Variants in UNC13C observed in about 807,000 individuals in gnomAD.
UNC13C encodes the protein unc-13 homolog C, also known as protein unc-13 homolog C.
In UNC13C, 174 loss-of-function variants were observed where a neutral mutation model predicts 245.4. The ratio of observed to expected loss-of-function variants is 0.71; its 90% CI spans 0.63 to 0.80. UNC13C has a LOEUF of 0.80. Ranked by LOEUF, UNC13C falls within the 30% of genes least tolerant of loss-of-function variation. The pLI, the probability that UNC13C is intolerant of heterozygous loss-of-function variation, is 0.00. For synonymous variants in UNC13C, 992 were observed against 895.1 expected, an observed-to-expected ratio of 1.11 and a Z score of -1.93; for missense variants, 2,829 against 2,602.9, an observed-to-expected ratio of 1.09 and a Z score of -1.89.
At chr15:54,607,211 AAGAGT>A (rs1899815635) in intron 30 of UNC13C, among the ~76,000 whole-genome samples, 1 of 152,202 alleles carries the variant, frequency 6.6e-6, no homozygotes, top group African/African-American at 2.4e-5. Context: ...CAAATAGTTG[AAGAGT>A]AGAATGAATT....
chr15:54,138,421 A>C (rs955950820), intron 2 of UNC13C, among the ~76,000 whole-genome samples: 3 of 129,788 alleles, frequency 2.3e-5, no homozygotes, highest in Non-Finnish European at 5.1e-5. Context: ...GTCTATTTCT[A>C]TATATAACTG....
intron 2 of UNC13C, among the ~76,000 whole-genome samples, chr15:54,113,571 A>C (rs1014389466): frequency 2.6e-5 from 4 of 152,188 alleles, no homozygotes; most frequent in Admixed American, 2.6e-4. Flanking sequence ...AAGATGCTGT[A>C]ATCCCAGCAC....
intron 19 of UNC13C, among the ~76,000 whole-genome samples, chr15:54,427,396 G>T (rs936100235): frequency 2.0e-5 from 3 of 151,758 alleles, no homozygotes; most frequent in African/African-American, 7.2e-5. Context: ...TTCCCACCAT[G>T]ATTCTGAGGC....
At chr15:54,203,539 TAC>T (rs1411760389) in intron 4 of UNC13C, among the ~76,000 whole-genome samples, 4 of 145,716 alleles carry the variant, frequency 2.7e-5, no homozygotes, top group Non-Finnish European at 6.0e-5. Flanking sequence ...TATATATATA[TAC>T]ACCTATATAT....
At chr15:54,184,589 A>T (rs905628602) in intron 4 of UNC13C, among the ~76,000 whole-genome samples, 5 of 152,176 alleles carry the variant, frequency 3.3e-5, no homozygotes, top group Non-Finnish European at 7.3e-5. Flanking sequence ...CCTACAAAGG[A>T]CATGAACTCA....
At chr15:54,372,961 A>C (rs1213548955) in intron 17 of UNC13C, among the ~76,000 whole-genome samples, 2 of 152,322 alleles carry the variant, frequency 1.3e-5, no homozygotes, top group South Asian at 2.1e-4. Context: ...GCAGAGCTCT[A>C]GAGAGACATA....
intron 4 of UNC13C, among the ~76,000 whole-genome samples, chr15:54,220,674 ATGT>A (rs1273746822): frequency 6.6e-6 from 1 of 152,040 alleles, no homozygotes; most frequent in African/African-American, 2.4e-5. Flanking sequence ...AGCCAAGCAA[ATGT>A]TGTGAGTTTC....
chr15:53,893,482 C>G, the UNC13C span, among the ~76,000 whole-genome samples: 4 of 152,196 alleles, frequency 2.6e-5, no homozygotes, highest in African/African-American at 4.8e-5. Flanking sequence ...GTGCTCTGTT[C>G]CAGGGAGATG....
chr15:54,117,787 C>CTGG (rs2030374940), intron 2 of UNC13C, among the ~76,000 whole-genome samples: 3 of 152,004 alleles, frequency 2.0e-5, no homozygotes, highest in African/African-American at 7.2e-5. Flanking sequence ...TGCCATGTTG[C>CTGG]CCAGGCTGGT....
intron 4 of UNC13C, among the ~76,000 whole-genome samples, chr15:54,220,246 C>A (rs984434024): frequency 1.3e-4 from 19 of 150,248 alleles, no homozygotes; most frequent in Admixed American, 5.3e-4. Flanking sequence ...CACATATACA[C>A]CATGGAATAC....
intron 13 of UNC13C, among the ~76,000 whole-genome samples, chr15:54,309,525 A>G (rs904899391): frequency 3.3e-5 from 5 of 151,702 alleles, no homozygotes; most frequent in African/African-American, 1.2e-4. Context: ...CCCATTGTCT[A>G]TTTTTGCTTT....
intron 6 of UNC13C, among the ~76,000 whole-genome samples, chr15:54,237,203 A>G (rs945239581): frequency 6.6e-6 from 1 of 152,178 alleles, no homozygotes; most frequent in African/African-American, 2.4e-5. Flanking sequence ...ATCTAATACT[A>G]ATTATGATTC....
At position 54,625,875 on chromosome 15, in the gene UNC13C, T is replaced by C. The variant is rs182539654; in HGVS notation, c.6360-953T>C. Among the ~76,000 whole-genome samples, 13 of 152,300 alleles carry C rather than the reference T, an allele frequency of 8.5e-5. No individual in the cohort carries two copies. In the East Asian group the frequency reaches 2.5e-3, roughly 29 times the overall value. On this transcript the variant is annotated intron_variant, in intron 32 of 32. Coordinates refer to ENST00000260323, the MANE Select transcript of UNC13C (RefSeq NM_001080534.3). The stretch of plus-strand genomic sequence containing the variant: ...CACAGTGAGCTACTTAAAGGCAGCA[T>C]TTTTAATTCATGAGATCTGATTCCC...
At chr15:53,966,447 T>C in the UNC13C span, among the ~76,000 whole-genome samples, 2 of 152,178 alleles carry the variant, frequency 1.3e-5, no homozygotes, top group African/African-American at 4.8e-5. Flanking sequence ...AGAATAATAT[T>C]CCTTGAGTTT....
chr15:53,852,455 G>T, the UNC13C span, among the ~76,000 whole-genome samples: 1 of 152,036 alleles, frequency 6.6e-6, no homozygotes, highest in Non-Finnish European at 1.5e-5. Context: ...ACATCATGGG[G>T]TTTCTCCCTA....
intron 30 of UNC13C, among the ~76,000 whole-genome samples, chr15:54,579,216 T>A (rs1243704224): frequency 2.0e-5 from 3 of 152,192 alleles, no homozygotes; most frequent in Non-Finnish European, 1.5e-5. Context: ...CAATTACTTC[T>A]GTGTGATGAA....
intron 24 of UNC13C, among the ~76,000 whole-genome samples, chr15:54,512,035 G>A (rs1566879816): frequency 6.6e-6 from 1 of 152,142 alleles, no homozygotes; most frequent in Non-Finnish European, 1.5e-5. Flanking sequence ...GTGTGAATGG[G>A]AGGCAGAAGA....
chr15:53,843,191 C>T, the UNC13C span, among the ~76,000 whole-genome samples: 1 of 152,136 alleles, frequency 6.6e-6, no homozygotes, highest in African/African-American at 2.4e-5. Context: ...GTGATCCCAA[C>T]ATTTTGGGAG....
At chr15:54,561,092 C>T (rs1359659283) in intron 29 of UNC13C, among the ~76,000 whole-genome samples, 1 of 151,932 alleles carries the variant, frequency 6.6e-6, no homozygotes, top group East Asian at 1.9e-4. Flanking sequence ...TTTCCCCAAG[C>T]AATAGTTCAA....
Sources: gnomAD v4.1 joint callset for allele counts (sites outside exome capture counted in the v4.1 genomes callset) on GRCh38, gnomAD v4.1.1 for gene constraint, MANE v1.5 for transcripts, NCBI Gene and HGNC (gene_info 2026-07-23, HGNC 2026-07-21) for gene names.